Variants in EXTL3 observed in about 807,000 individuals in gnomAD.
EXTL3 encodes the protein exostosin like glycosyltransferase 3, also known as exostosin-like 3.
Under a neutral mutation model 69.3 loss-of-function variants are expected in EXTL3, and 27 were observed. That is an observed-to-expected ratio of 0.39 (90% confidence interval 0.29 to 0.54). The LOEUF (loss-of-function observed/expected upper bound fraction) is 0.54. Ranked by LOEUF, EXTL3 falls within the 20% of genes least tolerant of loss-of-function variation. EXTL3 has a pLI of 0.69. For missense variants in EXTL3, 1,003 were observed against 1,231.8 expected, an observed-to-expected ratio of 0.81 and a Z score of 2.78; for synonymous variants, 511 against 499.4, an observed-to-expected ratio of 1.02 and a Z score of -0.31.
intron 1 of EXTL3, among the ~76,000 whole-genome samples, chr8:28,634,965 G>T (rs7011109): frequency 0.11 from 16,195 of 152,024 alleles, 2,516 homozygotes; most frequent in African/African-American, 0.35. Flanking sequence ...GATGTCCACT[G>T]TCTGTGGATT....
intron 1 of EXTL3, among the ~76,000 whole-genome samples, chr8:28,644,302 C>CT (rs1364582595): frequency 6.6e-6 from 1 of 151,152 alleles, no homozygotes; most frequent in South Asian, 2.1e-4. Context: ...TCAAGTTTTT[C>CT]TTTTTTTCTT....
intron 5 of EXTL3, chr8:28,741,350 TAATATATTCTCATC>T (rs1801775543): frequency 6.6e-6 from 1 of 152,262 alleles, no homozygotes; most frequent in Non-Finnish European, 1.5e-5. Context: ...CGTGTTATGT[TAATATATTCTCATC>T]AGCATACGAA....
chr8:28,673,874 C>G (rs181652585), intron 1 of EXTL3, among the ~76,000 whole-genome samples: 4 of 151,618 alleles, frequency 2.6e-5, no homozygotes, highest in Admixed American at 2.6e-4. Flanking sequence ...ATTTTCTGAA[C>G]TGGTTCTGGG....
chr8:28,705,348 T>C (rs922839655), intron 1 of EXTL3, among the ~76,000 whole-genome samples: 2 of 152,040 alleles, frequency 1.3e-5, no homozygotes, highest in Non-Finnish European at 2.9e-5. Flanking sequence ...ATCAGAAATA[T>C]GGTAATGATG....
chr8:28,751,565 C>T lies in EXTL3; in HGVS notation c.*699C>T, dbSNP rs183533395. The T allele has an allele frequency of 6.6e-6, 1 of 152,414 alleles. No individual in the cohort carries two copies. The highest frequency in any genetic ancestry group is 1.5e-5 in the Non-Finnish European group (1 of 68,156). 9.4% of individuals were successfully genotyped at this position (152,414 alleles called of 1,614,324 possible). ...ACTCACATTCTCTTCCCAGTGAATC[C>T]CTGGGAGCGCCTGACCCTGGTGGGC... On this transcript the variant is annotated 3_prime_UTR_variant, in exon 7 of 7. Coordinates refer to ENST00000220562, the MANE Select transcript of EXTL3 (RefSeq NM_001440.4).
In EXTL3 at chr8:28,750,662, C is replaced by T; in HGVS notation, c.2556C>T (p.Thr852=). 1.2e-6 allele frequency: 2 copies of T among 1,613,944 alleles called. No individual in the cohort carries two copies. The highest frequency in any genetic ancestry group is 1.1e-5 in the South Asian group (1 of 91,078). ...TCTCTCTCTCCCGTTTCCAGGTGAC[C>T]TCACGGTGGACATTCCGATGCCCAG... ...HITRKPPIKV[T]SRWTFRCPGC... Residue 852 remains threonine, a synonymous_variant, in exon 7 of 7, where the codon ACC becomes ACT. Transcript: ENST00000220562. This position sits in a 1 kb window ranked among gnomAD's most constrained non-coding sequence, Gnocchi z 5.2.
At chr8:28,657,780 C>T (rs896843905) in intron 1 of EXTL3, among the ~76,000 whole-genome samples, 28 of 152,128 alleles carry the variant, frequency 1.8e-4, no homozygotes, top group Non-Finnish European at 3.7e-4. Context: ...GTAGCATTCA[C>T]ATTTGGGCAT....
intron 5 of EXTL3, chr8:28,741,387 G>C (rs559543637): frequency 6.6e-6 from 1 of 152,218 alleles, no homozygotes; most frequent in African/African-American, 2.4e-5. Flanking sequence ...ACAGTCACTG[G>C]CCATTTAAAG....
At chr8:28,712,243 C>T (rs929674065) in intron 1 of EXTL3, among the ~76,000 whole-genome samples, 4 of 152,084 alleles carry the variant, frequency 2.6e-5, no homozygotes, top group African/African-American at 7.2e-5. Context: ...TTGGCACAGT[C>T]GAGGAGGTAA....
intron 1 of EXTL3, among the ~76,000 whole-genome samples, chr8:28,650,024 C>T (rs1300123850): frequency 2.6e-5 from 4 of 151,832 alleles, no homozygotes; most frequent in Admixed American, 2.6e-4. Context: ...GGTGAAACCC[C>T]ATCTCTACTA....
At chr8:28,700,663 A>C (rs1352608777), upstream of EXTL3, 1 of 152,160 alleles carries the variant, frequency 6.6e-6, no homozygotes, top group Non-Finnish European at 1.5e-5. Context: ...CTGGGTATTA[A>C]AAACATTAAA....
Position 28,684,821 on chromosome 8 carries a change from T to C in EXTL3, c.-52-28636T>C, listed in dbSNP as rs1252007798. On this transcript the variant is annotated intron_variant, in intron 1 of 6. Transcript: ENST00000523149. The stretch of plus-strand genomic sequence containing the variant: ...AAGTTGTAAAAGTGGTAAATCTTAA[T>C]ACAGATTTATCAATTGTTAAAATTT... Among the ~76,000 whole-genome samples, 7 of 150,948 alleles carry C rather than the reference T, an allele frequency of 4.6e-5. No individual in the cohort carries two copies. In the East Asian group the frequency reaches 9.7e-4, roughly 21 times the overall value.
intron 1 of EXTL3, among the ~76,000 whole-genome samples, chr8:28,709,842 G>A (rs1002923156): frequency 2.6e-5 from 4 of 152,158 alleles, no homozygotes; most frequent in African/African-American, 9.7e-5. Flanking sequence ...GTGGAGGGGC[G>A]AGAAGGTGAA....
intron 1 of EXTL3, among the ~76,000 whole-genome samples, chr8:28,643,143 C>T (rs535690122): frequency 1.6e-4 from 25 of 152,202 alleles, no homozygotes; most frequent in Admixed American, 1.2e-3. Context: ...ACTCAAGAGG[C>T]TGAGGCAGAA....
chr8:28,646,296 A>T (rs962534365), intron 1 of EXTL3, among the ~76,000 whole-genome samples: 1 of 152,252 alleles, frequency 6.6e-6, no homozygotes, highest in African/African-American at 2.4e-5. Flanking sequence ...GAAAAGGAAC[A>T]CATTTCTTTT....
chr8:28,674,444 G>C (rs1807347365), intron 1 of EXTL3, among the ~76,000 whole-genome samples: 1 of 152,206 alleles, frequency 6.6e-6, no homozygotes, highest in African/African-American at 2.4e-5. Context: ...CTAATGTCAT[G>C]CTGGTGGAAG....
intron 1 of EXTL3, among the ~76,000 whole-genome samples, chr8:28,624,730 C>T (rs984327698): frequency 8.6e-5 from 13 of 151,932 alleles, no homozygotes; most frequent in African/African-American, 3.1e-4. Flanking sequence ...TCACCGACAC[C>T]ATAAGAACTA....
chr8:28,682,174 T>C lies in EXTL3; in HGVS notation c.-52-31283T>C, dbSNP rs539793058. ...GATGATATTTCATTGTGGTTTTAAT[T>C]TGCATTTTCCTAATGATTAGCGAAG... On this transcript the variant is annotated intron_variant, in intron 1 of 6. Coordinates refer to the EXTL3 transcript ENST00000523149. Among the ~76,000 whole-genome samples, 6 of 152,366 alleles carry C rather than the reference T, an allele frequency of 3.9e-5. No homozygotes were observed. The East Asian group carries it at 1.2e-3, about 29-fold the overall frequency.
At chr8:28,691,846 G>A (rs1015425093) in intron 1 of EXTL3, among the ~76,000 whole-genome samples, 11 of 151,566 alleles carry the variant, frequency 7.3e-5, no homozygotes, top group South Asian at 4.2e-4. Flanking sequence ...GTGGTGTGCC[G>A]AGATCACACT....
Sources: allele counts gnomAD v4.1 joint callset (sites outside exome capture counted in the v4.1 genomes callset), GRCh38; gene constraint gnomAD v4.1.1; non-coding constraint Gnocchi (gnomAD v3.1); transcripts MANE v1.5; gene names NCBI Gene and HGNC (gene_info 2026-07-23, HGNC 2026-07-21).